PPP3CB: variants seen among roughly 807,000 people sequenced by gnomAD.
PPP3CB encodes serine/threonine-protein phosphatase 2B catalytic subunit beta isoform.
PPP3CB carries 8 observed loss-of-function variants against 66.4 expected under a neutral mutation model. That is an observed-to-expected ratio of 0.12 (90% CI 0.07 to 0.22). The LOEUF is 0.22. Among genes scored for constraint, PPP3CB ranks in the 10% least tolerant of loss-of-function variants. The pLI is 1.00. For synonymous variants in PPP3CB, 208 were observed against 221.2 expected (o/e 0.94, Z 0.53); for missense variants, 319 against 642.5 (o/e 0.50, Z 5.44).
intron 4 of PPP3CB, among the ~76,000 whole-genome samples, chr10:73,473,859 C>A (rs2056742370): frequency 1.3e-5 from 2 of 151,612 alleles, no homozygotes; most frequent in Non-Finnish European, 1.5e-5. Context: ...TTTAAAAAAA[C>A]AAAAAAATTT....
chr10:73,479,566 A>C, intron 1 of PPP3CB, 49 bp from the exon 2 acceptor site: 1 of 1,528,466 alleles, frequency 6.5e-7, no homozygotes, highest in Non-Finnish European at 9.0e-7. Flanking sequence ...AAATACATTA[A>C]CTTAAAAACT....
Position 73,479,500 on chromosome 10 carries a change from T to C in PPP3CB, c.103A>G (p.Thr35Ala). Residue 35 changes from threonine to alanine, a missense_variant, in exon 2 of 14, where the codon ACA becomes GCA. Physicochemically the swap from Thr to Ala is moderately conservative, Grantham distance 58. Around this residue, in one of 5 missense-constraint regions of PPP3CB, gnomAD observed 104 missense variants for 128.4 expected, o/e 0.81. Transcript: ENST00000360663. Reference sequence around the variant, plus strand: ...ACTTCTTCAGATGTCAAGCGATGTGTTGGGGGGAAAGGGACAGCTGCAAAT... The same window carrying C: ...ACTTCTTCAGATGTCAAGCGATGTGCTGGGGGGAAAGGGACAGCTGCAAAT... ...RVVKAVPFPP[T>A]HRLTSEEVFD... is the part of the protein sequence containing the mutation. 1 of 1,613,926 alleles carries C rather than the reference T, an allele frequency of 6.2e-7. No homozygotes were observed. Among genetic ancestry groups the C allele is most frequent in the Non-Finnish European group, 8.5e-7 (1 of 1,179,928 alleles).
At chr10:73,474,599 A>ATT (rs879334120) in intron 4 of PPP3CB, among the ~76,000 whole-genome samples, 2 of 141,864 alleles carry the variant, frequency 1.4e-5, no homozygotes, top group African/African-American at 5.2e-5. Context: ...CACCCAGCTA[A>ATT]TTTTTTTTTT....
At chr10:73,458,135 ATGTTT>A (rs956089786) in intron 9 of PPP3CB, among the ~76,000 whole-genome samples, 9 of 152,232 alleles carry the variant, frequency 5.9e-5, no homozygotes, top group African/African-American at 1.7e-4. Context: ...CAACAAAAAA[ATGTTT>A]TGTTTTATTT....
chr10:73,470,421 C>A (rs2056684959), intron 8 of PPP3CB, among the ~76,000 whole-genome samples: 1 of 151,944 alleles, frequency 6.6e-6, no homozygotes, highest in Admixed American at 6.5e-5. Flanking sequence ...TTGAGAAAAT[C>A]ATGTTTGGTT....
chr10:73,439,137 C>G (rs2056109011), intron 13 of PPP3CB, among the ~76,000 whole-genome samples: 1 of 152,160 alleles, frequency 6.6e-6, no homozygotes, highest in Non-Finnish European at 1.5e-5. Context: ...TGTATGGTTT[C>G]TCATTCACTT....
chr10:73,472,442 C>T (rs1353386800), intron 4 of PPP3CB, among the ~76,000 whole-genome samples: 1 of 149,264 alleles, frequency 6.7e-6, no homozygotes, highest in Non-Finnish European at 1.5e-5. Flanking sequence ...TGCAGTGGGC[C>T]GAGATCGTGC....
At chr10:73,441,246 C>G (rs2056142615) in intron 12 of PPP3CB, among the ~76,000 whole-genome samples, 1 of 152,020 alleles carries the variant, frequency 6.6e-6, no homozygotes, top group South Asian at 2.1e-4. Flanking sequence ...AATTGGGGAC[C>G]CAAAAGAATT....
chr10:73,456,540 C>T (rs1427602793), intron 9 of PPP3CB, among the ~76,000 whole-genome samples: 1 of 152,144 alleles, frequency 6.6e-6, no homozygotes, highest in Non-Finnish European at 1.5e-5. Flanking sequence ...TATTTAAGGT[C>T]AATTGATTTT....
intron 9 of PPP3CB, among the ~76,000 whole-genome samples, chr10:73,464,074 C>T (rs369088516): frequency 2.4e-3 from 371 of 151,938 alleles, no homozygotes; most frequent in African/African-American, 8.5e-3. Flanking sequence ...GGATTACAGG[C>T]GCCCGCCACC....
At chr10:73,462,304 A>G (rs1363797754) in intron 9 of PPP3CB, among the ~76,000 whole-genome samples, 1 of 151,910 alleles carries the variant, frequency 6.6e-6, no homozygotes, top group Admixed American at 6.6e-5. Context: ...GATTACAGGC[A>G]TGTGCCACTG....
chr10:73,484,600 T>C (rs1430482970), intron 1 of PPP3CB, among the ~76,000 whole-genome samples: 1 of 152,086 alleles, frequency 6.6e-6, no homozygotes, highest in Non-Finnish European at 1.5e-5. Flanking sequence ...GTTTTTTTTT[T>C]TGCCTCCATA....
intron 4 of PPP3CB, among the ~76,000 whole-genome samples, chr10:73,472,751 G>T (rs1444639824): frequency 6.6e-6 from 1 of 152,112 alleles, no homozygotes; most frequent in Non-Finnish European, 1.5e-5. Context: ...AAGCTGAGGG[G>T]TTCCTCTTGC....
intron 10 of PPP3CB, among the ~76,000 whole-genome samples, chr10:73,450,361 A>G (rs2056325600): frequency 6.6e-6 from 1 of 152,214 alleles, no homozygotes; most frequent in African/African-American, 2.4e-5. Context: ...GTTAGAGGGA[A>G]GAAATCAGGG....
intron 1 of PPP3CB, among the ~76,000 whole-genome samples, chr10:73,484,275 ACTT>A (rs1171100886): frequency 1.3e-5 from 2 of 150,378 alleles, no homozygotes; most frequent in Non-Finnish European, 3.0e-5. Flanking sequence ...AACTATTTCT[ACTT>A]TTTTTTTTTG....
intron 8 of PPP3CB, among the ~76,000 whole-genome samples, chr10:73,468,089 C>T (rs1347322703): frequency 4.6e-5 from 7 of 152,082 alleles, no homozygotes; most frequent in Non-Finnish European, 1.0e-4. Context: ...ATCTTTCTAG[C>T]TTCAGGCAAC....
chr10:73,465,975 A>C (rs889526643), intron 9 of PPP3CB, among the ~76,000 whole-genome samples: 1 of 152,230 alleles, frequency 6.6e-6, no homozygotes, highest in Non-Finnish European at 1.5e-5. Context: ...ATGGTCAAAA[A>C]GTTTGAATAT....
At chr10:73,482,679 G>A (rs1343756351) in intron 1 of PPP3CB, among the ~76,000 whole-genome samples, 6 of 150,508 alleles carry the variant, frequency 4.0e-5, no homozygotes, top group Admixed American at 2.6e-4. Context: ...ATGCAGTGGC[G>A]AGATCTCGGC....
At chr10:73,443,262 GAGAGAGAAAGAAAGAAAGAAAGACAGAA>G (rs1564546944) in intron 12 of PPP3CB, among the ~76,000 whole-genome samples, 4 of 78,662 alleles carry the variant, frequency 5.1e-5, no homozygotes, top group African/African-American at 1.7e-4. Context: ...GAGAGAGAGA[GAGAGAGAAAGAAAGAAAGAAAGACAGAA>G]AGAAAGAAAG....
Sources: gnomAD v4.1 joint callset for allele counts (sites outside exome capture counted in the v4.1 genomes callset) on GRCh38, gnomAD v4.1.1 for gene constraint, gnomAD v4.1.1 regional missense constraint, MANE v1.5 for transcripts, NCBI Gene and HGNC (gene_info 2026-07-23, HGNC 2026-07-21) for gene names.